The following SND1 variants were observed in gnomAD, a reference collection of about 807,000 sequenced individuals.
The protein encoded by SND1 is staphylococcal nuclease and tudor domain containing 1.
A neutral mutation model predicts 121.7 loss-of-function variants in SND1; 38 were observed. The observed-to-expected ratio is 0.31, with a 90% confidence interval of 0.24 to 0.41. The LOEUF (loss-of-function observed/expected upper bound fraction) is 0.41. SND1 is among the 10% of genes least tolerant of loss of function. The pLI is 1.00. For synonymous variants in SND1, 401 were observed against 447.4 expected, an observed-to-expected ratio of 0.90 and a Z score of 1.31; for missense variants, 868 against 1,184.6, an observed-to-expected ratio of 0.73 and a Z score of 3.92.
chr7:128,000,869 G>A (rs77992172), intron 16 of SND1, among the ~76,000 whole-genome samples: 115 of 152,306 alleles, frequency 7.6e-4, no homozygotes, highest in Non-Finnish European at 1.4e-3. Context: ...CAAGCAGACT[G>A]TAGATGGCAT....
At chr7:127,875,980 A>C (rs540165700) in intron 12 of SND1, among the ~76,000 whole-genome samples, 19 of 152,166 alleles carry the variant, frequency 1.2e-4, no homozygotes, top group African/African-American at 4.3e-4. Flanking sequence ...TAAAATAGGG[A>C]ATAATAATAG....
chr7:128,029,236 T>C lies in SND1; in HGVS notation c.1779+38180T>C. 1 of 1,614,168 alleles carries C rather than the reference T, an allele frequency of 6.2e-7. No individual in the cohort carries two copies. The highest frequency in any genetic ancestry group is 8.5e-7 in the Non-Finnish European group (1 of 1,180,038). On this transcript the variant is annotated intron_variant, in intron 16 of 23. Coordinates refer to ENST00000354725, the MANE Select transcript of SND1 (RefSeq NM_014390.4). This position sits in a 1 kb window ranked among gnomAD's most constrained non-coding sequence, Gnocchi z 4.2. ...GGAACAGGCTTGTACTTTCGCGTTG[T>C]GTCCTCAGGCGAGATCTCCGTGGTC...
At chr7:127,751,008 G>A (rs1322312489) in intron 10 of SND1, among the ~76,000 whole-genome samples, 1 of 152,078 alleles carries the variant, frequency 6.6e-6, no homozygotes, top group Non-Finnish European at 1.5e-5. Flanking sequence ...CTGTTTTGGT[G>A]GTAGAATTTT....
At chr7:127,703,908 A>G (rs1268273161) in intron 7 of SND1, among the ~76,000 whole-genome samples, 1 of 152,222 alleles carries the variant, frequency 6.6e-6, no homozygotes, top group African/African-American at 2.4e-5. Context: ...TGCTACATTC[A>G]TTAGAAGTAG....
At chr7:127,657,274 T>G (rs561999871) in intron 1 of SND1, among the ~76,000 whole-genome samples, 1 of 152,314 alleles carries the variant, frequency 6.6e-6, no homozygotes, top group Admixed American at 6.5e-5. Context: ...AGCATGATCA[T>G]ACAAGATAGT....
chr7:127,997,795 T>C (rs374700733), intron 16 of SND1: 7 of 534,660 alleles, frequency 1.3e-5, no homozygotes, highest in Non-Finnish European at 2.3e-5. Flanking sequence ...GTTTCTCCCA[T>C]CTCTCAGGTA....
At chr7:127,835,314 T>G (rs1798846281) in intron 11 of SND1, among the ~76,000 whole-genome samples, 1 of 152,180 alleles carries the variant, frequency 6.6e-6, no homozygotes, top group South Asian at 2.1e-4. Flanking sequence ...ATGTAAAATT[T>G]GTGCTGCTTG....
chr7:128,074,829 C>A (rs1485538757), intron 17 of SND1, 139 bp downstream of exon 17: 3 of 810,004 alleles, frequency 3.7e-6, no homozygotes, highest in Admixed American at 2.6e-5. Flanking sequence ...AGACCCCACA[C>A]CAAGGCCACA....
intron 15 of SND1, among the ~76,000 whole-genome samples, chr7:127,943,173 G>A (rs139598712): frequency 0.028 from 4,333 of 152,178 alleles, 186 homozygotes; most frequent in Admixed American, 0.12. Flanking sequence ...ATACAGCTTT[G>A]TATATTTCTT....
intron 14 of SND1, among the ~76,000 whole-genome samples, chr7:127,914,459 A>G (rs902758241): frequency 2.0e-4 from 31 of 152,124 alleles, no homozygotes; most frequent in African/African-American, 7.5e-4. Flanking sequence ...TTACATAATC[A>G]TATTACCATG....
At chr7:127,966,125 T>C (rs1266391284) in intron 15 of SND1, among the ~76,000 whole-genome samples, 2 of 149,774 alleles carry the variant, frequency 1.3e-5, no homozygotes, top group Non-Finnish European at 3.0e-5. Flanking sequence ...TTTTTTATTG[T>C]GTCTATTTGA....
At chr7:127,759,804 C>T (rs1797268763) in intron 10 of SND1, among the ~76,000 whole-genome samples, 1 of 152,222 alleles carries the variant, frequency 6.6e-6, no homozygotes, top group Admixed American at 6.5e-5. Context: ...TAGTTTTCTC[C>T]CTTTCTGTAT....
At chr7:127,806,683 T>G (rs1798244178) in intron 10 of SND1, among the ~76,000 whole-genome samples, 1 of 152,126 alleles carries the variant, frequency 6.6e-6, no homozygotes, top group Non-Finnish European at 1.5e-5. Context: ...TGTCCAGGTG[T>G]GATGGCTCAG....
chr7:127,711,746 T>C (rs140879589), intron 9 of SND1, among the ~76,000 whole-genome samples: 31 of 152,194 alleles, frequency 2.0e-4, no homozygotes, highest in African/African-American at 6.5e-4. Context: ...CCAGTTTTTT[T>C]CTCCTATTTT....
intron 15 of SND1, among the ~76,000 whole-genome samples, chr7:127,984,485 T>C (rs1441021508): frequency 6.6e-6 from 1 of 152,246 alleles, no homozygotes; most frequent in East Asian, 1.9e-4. Context: ...TGTGTCAGAC[T>C]AAACCTCATC....
At chr7:128,028,801 G>T in intron 16 of SND1, 1 of 1,614,198 alleles carries the variant, frequency 6.2e-7, no homozygotes, top group Non-Finnish European at 8.5e-7. Context: ...TGGGCCCCAT[G>T]TGCTGGTTTG....
intron 4 of SND1, among the ~76,000 whole-genome samples, chr7:127,700,415 A>G (rs146322191): frequency 1.3e-5 from 2 of 152,326 alleles, no homozygotes; most frequent in African/African-American, 4.8e-5. Context: ...CCTGCTGAAG[A>G]TGAGAAGAGA....
intron 10 of SND1, among the ~76,000 whole-genome samples, chr7:127,786,810 A>AT (rs1420996421): frequency 2.0e-5 from 3 of 151,826 alleles, no homozygotes; most frequent in Non-Finnish European, 4.4e-5. Context: ...TGCCCGGCTA[A>AT]TTTTTGTATT....
At chr7:127,665,720 A>G (rs976049783) in intron 1 of SND1, among the ~76,000 whole-genome samples, 1 of 152,114 alleles carries the variant, frequency 6.6e-6, no homozygotes, top group Non-Finnish European at 1.5e-5. Context: ...CTCTGAAATA[A>G]CTAATGTGAT....
Sources: allele counts gnomAD v4.1 joint callset (sites outside exome capture counted in the v4.1 genomes callset), GRCh38; gene constraint gnomAD v4.1.1; non-coding constraint Gnocchi (gnomAD v3.1); transcripts MANE v1.5; gene names NCBI Gene and HGNC (gene_info 2026-07-23, HGNC 2026-07-21).